COL4A5: variants seen among roughly 807,000 people sequenced by gnomAD.
The protein encoded by COL4A5 is collagen alpha-5(IV) chain.
COL4A5 carries 26 observed loss-of-function variants against 130.2 expected under a neutral mutation model. The observed-to-expected ratio is 0.20, with a 90% CI of 0.15 to 0.28. The LOEUF is 0.28. Among genes scored for constraint, COL4A5 ranks in the 10% least tolerant of loss-of-function variants. The probability of loss-of-function intolerance (pLI) is 1.00; values close to 1 mark genes in which losing one functional copy is unlikely to be tolerated. For synonymous variants in COL4A5, 496 were observed against 439.6 expected (o/e 1.13, Z -1.60); for missense variants, 1,131 against 1,344.3 (o/e 0.84, Z 2.48).
chrX:108,568,123 C>T (rs2066001654), intron 4 of COL4A5, among the ~76,000 whole-genome samples: 1 of 111,874 alleles, frequency 8.9e-6, no homozygotes, highest in Non-Finnish European at 1.9e-5. Context: ...AAATTTCTCT[C>T]CATAGAGTTT....
At chrX:108,515,055 CAT>C (rs1050855977) in intron 1 of COL4A5, among the ~76,000 whole-genome samples, 3 of 111,965 alleles carry the variant, frequency 2.7e-5, no homozygotes, top group African/African-American at 9.7e-5. Flanking sequence ...AGGTTGCTAA[CAT>C]GTGTCTAGTT....
chrX:108,644,167 T>C (rs759460113), intron 36 of COL4A5, among the ~76,000 whole-genome samples: 4 of 112,228 alleles, frequency 3.6e-5, no homozygotes, highest in African/African-American at 1.3e-4. Flanking sequence ...CTAAAGGGCC[T>C]TGTCCAACAG....
chrX:108,539,839 A>G, intron 2 of COL4A5, 34 bp downstream of exon 2: 2 of 1,072,771 alleles, frequency 1.9e-6, no homozygotes, highest in Non-Finnish European at 2.6e-6. Flanking sequence ...AAAATTTAGT[A>G]AAGCCAGTAA....
intron 1 of COL4A5, among the ~76,000 whole-genome samples, chrX:108,526,922 C>T: frequency 9.4e-6 from 1 of 106,278 alleles, no homozygotes; most frequent in East Asian, 3.0e-4. Flanking sequence ...TGCATGTCAC[C>T]ATGGCTGGTT....
At position 108,621,670 on chromosome X, in the gene COL4A5, G is replaced by A. The variant is rs2067053428; in HGVS notation, c.2678-133G>A. On this transcript the variant is annotated intron_variant, in intron 31 of 52. Coordinates refer to ENST00000328300, the MANE Select transcript of COL4A5 (RefSeq NM_033380.3). Reference sequence around the variant, plus strand: ...GGGTATCAGCAGTAGTGGGCACTATGGTCAAAAAGTCTAAAACTTAACAGT... The same window carrying A: ...GGGTATCAGCAGTAGTGGGCACTATAGTCAAAAAGTCTAAAACTTAACAGT... 8 of 516,843 alleles carry A rather than the reference G, an allele frequency of 1.5e-5. No individual in the cohort carries two copies. The East Asian group carries it at 3.0e-4, about 19-fold the overall frequency. The allele number at this position is 516,843 out of a possible 1,213,427, so 42.6% of individuals were successfully genotyped here.
rs189387270 is a variant in COL4A5, at chrX:108,659,385, A to T, written c.3373+3928A>T. 1.2e-4 allele frequency among the ~76,000 whole-genome samples: 13 copies of T among 111,417 alleles called. No homozygotes were observed. In the Admixed American group the frequency reaches 1.2e-3, roughly 11 times the overall value. The stretch of plus-strand genomic sequence containing the variant: ...TTGTATTCTGCAATTTGTGTATTGC[A>T]TTATAAATGTCCATTAGGTCAGGTT... On this transcript the variant is annotated intron_variant, in intron 37 of 52. Transcript: ENST00000328300.
Position 108,690,365 on chromosome X carries a change from T to C in COL4A5, c.4529-2383T>C, listed in dbSNP as rs57661241. Among the ~76,000 whole-genome samples, 1,805 of 111,569 alleles carry C rather than the reference T, an allele frequency of 0.016. 43 individuals are homozygous for C. The highest frequency in any genetic ancestry group is 0.056 in the African/African-American group (1,710 of 30,703). ...GATAAATTAGACTAAATCAATGATT[T>C]TCAACCTAGGGAATTTTTTAAGACT... On this transcript the variant is annotated intron_variant, in intron 49 of 52. Coordinates refer to ENST00000328300, the MANE Select transcript of COL4A5 (RefSeq NM_033380.3).
At chrX:108,549,692 A>G (rs1485458283) in intron 2 of COL4A5, among the ~76,000 whole-genome samples, 4 of 111,437 alleles carry the variant, frequency 3.6e-5, no homozygotes, top group Non-Finnish European at 1.9e-5. Flanking sequence ...AGGACAAGCA[A>G]ATTAAATTTA....
At chrX:108,667,534 A>G (rs1399857900) in intron 40 of COL4A5, among the ~76,000 whole-genome samples, 1 of 109,557 alleles carries the variant, frequency 9.1e-6, no homozygotes, top group African/African-American at 3.3e-5. Context: ...ATGTTTCTGG[A>G]AATTTCAGTC....
chrX:108,444,509 G>A (rs759123702), intron 1 of COL4A5, among the ~76,000 whole-genome samples: 67 of 111,695 alleles, frequency 6.0e-4, no homozygotes, highest in African/African-American at 1.7e-3. Context: ...GTGAGCCACC[G>A]CACCTGGCCT....
At chrX:108,651,972 C>T (rs1219647043) in intron 36 of COL4A5, among the ~76,000 whole-genome samples, 2 of 111,621 alleles carry the variant, frequency 1.8e-5, no homozygotes, top group East Asian at 5.6e-4. Flanking sequence ...TATAAAGCTT[C>T]AGTTATGCAA....
Position 108,568,781 on chromosome X carries a change from C to T in COL4A5, c.344C>T (p.Ala115Val), listed in dbSNP as rs1220196062. 2 of 1,208,481 alleles carry T rather than the reference C, an allele frequency of 1.7e-6. No individual in the cohort carries two copies. Among genetic ancestry groups the T allele is most frequent in the African/African-American group, 1.8e-5 (1 of 56,911 alleles). The change falls in exon 6 of 53, where the codon GCC becomes GTC. Residue 115 changes from alanine to valine, a missense_variant. Coordinates refer to ENST00000328300, the MANE Select transcript of COL4A5 (RefSeq NM_033380.3). ...GLPGMPGHDG[A>V]PGPQGIPGCN... ...AAGGGAATGCCAGGCCACGATGGGG[C>T]CCCAGGACCTCAAGGTATTCCCGGA...
intron 1 of COL4A5, among the ~76,000 whole-genome samples, chrX:108,504,086 C>T (rs893016387): frequency 9.0e-6 from 1 of 111,197 alleles, no homozygotes; most frequent in African/African-American, 3.3e-5. Context: ...GAAATAAAGC[C>T]AAATACAACC....
intron 1 of COL4A5, among the ~76,000 whole-genome samples, chrX:108,477,242 C>T (rs2064841452): frequency 9.0e-6 from 1 of 111,352 alleles, no homozygotes; most frequent in Non-Finnish European, 1.9e-5. Flanking sequence ...ATCACAAGTC[C>T]ACCCCTTGTC....
In COL4A5 at chrX:108,580,673, T is replaced by C. The variant is rs1231112953; in HGVS notation, c.835-9T>C. On this transcript the variant is annotated splice_polypyrimidine_tract_variant and intron_variant, in intron 14 of 52. Transcript: ENST00000328300. ...ATGAACCATTGTGAAACTATTTTTA[T>C]GTGTACAGGGTCCCCCAGGTGGTGA... 8.3e-7 allele frequency: 1 copy of C among 1,207,657 alleles called. No individual in the cohort carries two copies. Among genetic ancestry groups the C allele is most frequent in the Non-Finnish European group, 1.1e-6 (1 of 893,342 alleles).
At chrX:108,488,414 T>A (rs1341812163) in intron 1 of COL4A5, among the ~76,000 whole-genome samples, 4 of 112,687 alleles carry the variant, frequency 3.5e-5, no homozygotes, top group Admixed American at 1.9e-4. Context: ...TAATACATCA[T>A]TTCAGATGTG....
intron 36 of COL4A5, among the ~76,000 whole-genome samples, chrX:108,632,981 G>A (rs1433290315): frequency 1.8e-5 from 2 of 111,458 alleles, no homozygotes; most frequent in African/African-American, 6.5e-5. Context: ...TCTGGCCAGG[G>A]CAATCAGGCA....
intron 1 of COL4A5, among the ~76,000 whole-genome samples, chrX:108,518,627 A>G (rs1310055202): frequency 9.0e-6 from 1 of 111,421 alleles, no homozygotes; most frequent in Non-Finnish European, 1.9e-5. Context: ...GGGATCTCAA[A>G]AAAACTAAGT....
At chrX:108,558,085 C>A (rs1385512386) in intron 2 of COL4A5, among the ~76,000 whole-genome samples, 1 of 80,284 alleles carries the variant, frequency 1.2e-5, no homozygotes, top group African/African-American at 4.7e-5. Context: ...TCCCCCCACC[C>A]CACAACAGGC....
Sources: allele counts gnomAD v4.1 joint callset (sites outside exome capture counted in the v4.1 genomes callset), GRCh38; gene constraint gnomAD v4.1.1; transcripts MANE v1.5; gene names NCBI Gene and HGNC (gene_info 2026-07-23, HGNC 2026-07-21).